Variants in DNAI1 observed in about 807,000 individuals in gnomAD.
DNAI1 encodes the protein dynein, axonemal, intermediate polypeptide 1.
DNAI1 carries 67 observed loss-of-function variants against 92.0 expected under a neutral mutation model. That is an observed-to-expected ratio of 0.73 (90% CI 0.60 to 0.89). The LOEUF (loss-of-function observed/expected upper bound fraction) is 0.89, where lower values mean the gene tolerates loss of function less well. Among genes scored for constraint, DNAI1 ranks in the 40% least tolerant of loss-of-function variants. The pLI is 0.00. For missense variants in DNAI1, 839 were observed against 866.6 expected, an observed-to-expected ratio of 0.97 and a Z score of 0.40; for synonymous variants, 323 against 319.6, an observed-to-expected ratio of 1.01 and a Z score of -0.11.
At chr9:34,490,797 G>T (rs1824575531) in intron 7 of DNAI1, among the ~76,000 whole-genome samples, 1 of 152,200 alleles carries the variant, frequency 6.6e-6, no homozygotes, top group Non-Finnish European at 1.5e-5. Flanking sequence ...GCCACAGTGT[G>T]TTCAGGGAAC....
chr9:34,509,899 C>CAAAAAAAAAA (rs141472357), intron 13 of DNAI1, among the ~76,000 whole-genome samples: 4 of 105,050 alleles, frequency 3.8e-5, no homozygotes, highest in East Asian at 2.7e-4. Flanking sequence ...GACTCCGTCT[C>CAAAAAAAAAA]AAAAAAAAAA....
At position 34,493,291 on chromosome 9, in the gene DNAI1, A is replaced by G. The variant is rs1824647054; in HGVS notation, c.779A>G (p.Lys260Arg). Residue 260 changes from lysine (K) to arginine (R), a missense_variant, in exon 9 of 20, where the codon AAG becomes AGG. By Grantham distance (26) the Lys-to-Arg change is conservative (BLOSUM62 2). Coordinates refer to ENST00000242317, the MANE Select transcript of DNAI1 (RefSeq NM_012144.4). ...AKTPVAKKSG[K>R]MAMRKLTSME... ...ACCCCAGTGGCTAAAAAATCAGGGAAGATGGCCATGAGGAAGCTGACATCT... is the reference window on the plus strand; with the variant it reads ...ACCCCAGTGGCTAAAAAATCAGGGAGGATGGCCATGAGGAAGCTGACATCT... The G allele has an allele frequency of 6.2e-7, 1 of 1,614,024 alleles. No individual in the cohort carries two copies. The highest frequency in any genetic ancestry group is 8.5e-7 in the Non-Finnish European group (1 of 1,179,988).
Position 34,465,358 on chromosome 9 carries a change from GACAGGAGA to G in DNAI1, c.48+6307_48+6314del, listed in dbSNP as rs150120504. ...CAGGAGGAGGCACACTTTGTAACAG[GACAGGAGA>G]AGGGATGGATGCAGTTGATGATAAT... On this transcript the variant is annotated intron_variant, in intron 1 of 19. Coordinates refer to ENST00000242317, the MANE Select transcript of DNAI1 (RefSeq NM_012144.4). Among the ~76,000 whole-genome samples, 449 of 152,342 alleles carry G rather than the reference GACAGGAGA, an allele frequency of 2.9e-3. 2 individuals are homozygous for G. Among genetic ancestry groups the G allele is most frequent in the Non-Finnish European group, 4.7e-3 (319 of 68,030 alleles).
chr9:34,490,586 A>G, intron 7 of DNAI1, 98 bp downstream of exon 7: 1 of 1,525,180 alleles, frequency 6.6e-7, no homozygotes, highest in African/African-American at 1.4e-5. Flanking sequence ...TCAGCCTGGC[A>G]GGGGTGACAG....
chr9:34,483,528 T>G, intron 2 of DNAI1, 48 bp downstream of exon 2: 1 of 1,560,086 alleles, frequency 6.4e-7, no homozygotes, highest in Non-Finnish European at 8.8e-7. Flanking sequence ...CTAATAGTGT[T>G]TTTTTTGTTG....
In DNAI1 at chr9:34,514,473, C is replaced by G. The variant is rs1825133190; in HGVS notation, c.1649C>G (p.Pro550Arg). The G allele has an allele frequency of 6.2e-7, 1 of 1,614,126 alleles. No homozygotes were observed. The highest frequency in any genetic ancestry group is 1.1e-5 in the South Asian group (1 of 91,094). Residue 550 changes from proline to arginine, a missense_variant, in exon 17 of 20, where the codon CCA (proline) becomes CGA (arginine). Coordinates refer to ENST00000242317, the MANE Select transcript of DNAI1 (RefSeq NM_012144.4). ...NMSVDTVSWN[P>R]YHTKVFMSCS... is the part of the protein sequence containing the mutation. ...TCAGTGGACACTGTGTCCTGGAACC[C>G]ATACCACACCAAGGTCTTCATGTCC...
At chr9:34,516,992 T>C (rs990066941) in intron 18 of DNAI1, among the ~76,000 whole-genome samples, 4 of 152,162 alleles carry the variant, frequency 2.6e-5, no homozygotes, top group Admixed American at 2.6e-4. Context: ...TCACCCACCT[T>C]GGCCTCCCAA....
At chr9:34,517,224 C>A (rs928509923) in intron 18 of DNAI1, 61 bp from the exon 19 acceptor site, 1 of 1,572,574 alleles carries the variant, frequency 6.4e-7, no homozygotes, top group African/African-American at 1.3e-5. Flanking sequence ...GGGACTCATT[C>A]CTCTGAGGTG....
chr9:34,492,935 G>A (rs1047161902), intron 8 of DNAI1, among the ~76,000 whole-genome samples: 2 of 152,052 alleles, frequency 1.3e-5, no homozygotes, highest in African/African-American at 4.8e-5. Context: ...GAACAATGTT[G>A]ATCTTCAGCT....
intron 11 of DNAI1, 104 bp downstream of exon 11, chr9:34,500,943 A>G (rs1824820197): frequency 9.4e-7 from 1 of 1,064,818 alleles, no homozygotes; most frequent in African/African-American, 1.6e-5. Flanking sequence ...ATGACATGTG[A>G]CAGTATAGAA....
At chr9:34,517,521 G>A in intron 19 of DNAI1, 54 bp downstream of exon 19, 2 of 1,609,278 alleles carry the variant, frequency 1.2e-6, no homozygotes, top group African/African-American at 1.3e-5. Flanking sequence ...CCAGGAGGGT[G>A]GGGATGACAG....
chr9:34,509,415 C>T (rs1825020355), intron 13 of DNAI1, among the ~76,000 whole-genome samples: 1 of 152,080 alleles, frequency 6.6e-6, no homozygotes, highest in Non-Finnish European at 1.5e-5. Flanking sequence ...AGTGTTCATG[C>T]AGAAGCCCAT....
At chr9:34,468,958 G>A (rs1379761923) in intron 1 of DNAI1, among the ~76,000 whole-genome samples, 4 of 152,144 alleles carry the variant, frequency 2.6e-5, no homozygotes, top group Admixed American at 6.5e-5. Context: ...GAACATGGGT[G>A]TAGTTGGAAT....
At chr9:34,492,493 G>GAGATTATATATATATAT (rs1271867592) in intron 8 of DNAI1, among the ~76,000 whole-genome samples, 5 of 68,268 alleles carry the variant, frequency 7.3e-5, no homozygotes, top group Admixed American at 1.7e-4. Flanking sequence ...GGGATATGAA[G>GAGATTATATATATATAT]ATATATATAT....
At chr9:34,501,882 CTG>C (rs986477812) in intron 12 of DNAI1, among the ~76,000 whole-genome samples, 24 of 152,328 alleles carry the variant, frequency 1.6e-4, no homozygotes, top group African/African-American at 5.3e-4. Context: ...ACAATGGAAA[CTG>C]TGTCCAGGCG....
chr9:34,481,463 T>C (rs1226846583), intron 1 of DNAI1, among the ~76,000 whole-genome samples: 1 of 152,224 alleles, frequency 6.6e-6, no homozygotes, highest in Non-Finnish European at 1.5e-5. Context: ...ATGTTGCCTC[T>C]GAGACTGTTT....
intron 1 of DNAI1, among the ~76,000 whole-genome samples, chr9:34,461,608 G>T (rs1172825439): frequency 6.6e-6 from 1 of 152,218 alleles, no homozygotes; most frequent in African/African-American, 2.4e-5. Context: ...TACACTGAGA[G>T]CAGGGAGAGG....
intron 1 of DNAI1, among the ~76,000 whole-genome samples, chr9:34,480,182 G>A (rs1206947575): frequency 6.6e-6 from 1 of 151,346 alleles, no homozygotes; most frequent in Non-Finnish European, 1.5e-5. Flanking sequence ...CCTCCCTCAC[G>A]TCTCCAGTCC....
chr9:34,485,334 C>T, intron 3 of DNAI1, 94 bp downstream of exon 3: 1 of 1,593,818 alleles, frequency 6.3e-7, no homozygotes, highest in South Asian at 1.1e-5. Context: ...TTGCCCAGAA[C>T]CTGGGTGTGA....
Sources: gnomAD v4.1 joint callset for allele counts (sites outside exome capture counted in the v4.1 genomes callset) on GRCh38, gnomAD v4.1.1 for gene constraint, MANE v1.5 for transcripts, NCBI Gene and HGNC (gene_info 2026-07-23, HGNC 2026-07-21) for gene names.